Variants in RAD51D observed in about 807,000 individuals in gnomAD.
The protein encoded by RAD51D is DNA repair protein RAD51 homolog 4.
A neutral mutation model predicts 44.1 loss-of-function variants in RAD51D; 38 were observed. The observed-to-expected ratio is 0.86, with a 90% CI of 0.67 to 1.13. The LOEUF is 1.13. Among genes scored for constraint, RAD51D ranks in the 50% most tolerant of loss-of-function variants. RAD51D has a pLI of 0.00. For missense variants in RAD51D, 390 were observed against 414.0 expected (o/e 0.94, Z 0.50); for synonymous variants, 141 against 166.6 (o/e 0.85, Z 1.18).
chr17:35,110,802 T>C (rs1252177232), intron 3 of RAD51D, among the ~76,000 whole-genome samples: 1 of 152,002 alleles, frequency 6.6e-6, no homozygotes, highest in Non-Finnish European at 1.5e-5. Context: ...TGAAACCCTG[T>C]CTCTATAAAA....
rs1385062695 is a variant in RAD51D, at chr17:35,100,742, AT to A, written c.*210del. The stretch of plus-strand genomic sequence containing the variant: ...GGAAGGAAACGTGGCACCAGTATGA[AT>A]TTCTGGGTCCTCGCAATGCAGCATC... On this transcript the variant is annotated 3_prime_UTR_variant, in exon 10 of 10. Coordinates refer to ENST00000345365, the MANE Select transcript of RAD51D (RefSeq NM_002878.4). 2.9e-6 allele frequency: 2 copies of A among 679,424 alleles called. No homozygotes were observed. The highest frequency in any genetic ancestry group is 2.7e-5 in the East Asian group (1 of 36,518). The allele number at this position is 679,424 out of a possible 1,614,324, so 42.1% of individuals were successfully genotyped here.
rs1295311658 is a variant in RAD51D at position 35,094,907 on chromosome 17, G to A, written c.*6046C>T. 6.6e-6 allele frequency: 1 copy of A among 152,194 alleles called. No homozygotes were observed. Among genetic ancestry groups the A allele is most frequent in the Non-Finnish European group, 1.5e-5 (1 of 68,052 alleles). The allele number at this position is 152,194 out of a possible 1,614,324, so 9.4% of individuals were successfully genotyped here. On this transcript the variant is annotated 3_prime_UTR_variant, in exon 10 of 10. Coordinates refer to ENST00000345365, the MANE Select transcript of RAD51D (RefSeq NM_002878.4). ...CTTTGGTACTACCGTAAGTACTAGT[G>A]AGAGGCTGCCCACCCAGCATCCAGT...
At position 35,097,439 on chromosome 17, in the gene RAD51D, GTATATATATGTGTGTA is replaced by G. The variant is rs1197058565; in HGVS notation, c.*3498_*3513del. ...GGCTCATATGTGTATATATATGTGT[GTATATATATGTGTGTA>G]TATATATATATGTGTGTATATATAT... On this transcript the variant is annotated 3_prime_UTR_variant, in exon 10 of 10. Coordinates refer to ENST00000345365, the MANE Select transcript of RAD51D (RefSeq NM_002878.4). 50 of 140,452 alleles carry G rather than the reference GTATATATATGTGTGTA, an allele frequency of 3.6e-4. 1 individual carries two copies. Among genetic ancestry groups the G allele is most frequent in the South Asian group, 3.5e-3 (15 of 4,334 alleles). The allele number at this position is 140,452 out of a possible 1,614,324, so 8.7% of individuals were successfully genotyped here. A position where few individuals can be genotyped will look rare whatever the true frequency, so the allele number is the denominator to read the frequency against.
chr17:35,111,878 T>G (rs1247866131), intron 3 of RAD51D, among the ~76,000 whole-genome samples: 1 of 152,240 alleles, frequency 6.6e-6, no homozygotes, highest in Non-Finnish European at 1.5e-5. Flanking sequence ...TGGGGACAAT[T>G]GAAATCTTCA....
intron 6 of RAD51D, 108 bp downstream of exon 6, chr17:35,106,278 C>T (rs759212559): frequency 5.5e-6 from 5 of 910,908 alleles, no homozygotes; most frequent in South Asian, 5.2e-5. Context: ...GTTGGAGTCA[C>T]CAGATTGCAC....
At position 35,118,571 on chromosome 17, in the gene RAD51D, G is replaced by A. The variant is rs766692136; in HGVS notation, c.193C>T (p.Pro65Ser). 2 of 1,614,078 alleles carry A rather than the reference G, an allele frequency of 1.2e-6. No homozygotes were observed. Among genetic ancestry groups the A allele is most frequent in the Admixed American group, 1.7e-5 (1 of 60,000 alleles). Residue 65 changes from proline (P) to serine (S), a missense_variant, in exon 3 of 10, where the codon CCC (proline) becomes TCC (serine). Coordinates refer to ENST00000345365, the MANE Select transcript of RAD51D (RefSeq NM_002878.4). Reference protein sequence around the residue: ...RVLLAQFSAFPVNGADLYEEL... With the variant: ...RVLLAQFSAFSVNGADLYEEL... ...TCGTAGAGATCAGCGCCATTCACGGGGAAAGCCGAGAACTGAGCCAGCAGC... is the reference window on the plus strand; with the variant it reads ...TCGTAGAGATCAGCGCCATTCACGGAGAAAGCCGAGAACTGAGCCAGCAGC...
At chr17:35,117,178 G>A (rs28363263) in intron 3 of RAD51D, 1 of 910,726 alleles carries the variant, frequency 1.1e-6, no homozygotes, top group East Asian at 2.5e-5. Context: ...AGGCCTTAAG[G>A]GCAGGGGCCT....
intron 3 of RAD51D, among the ~76,000 whole-genome samples, chr17:35,112,316 T>C (rs1163362684): frequency 1.3e-5 from 2 of 152,116 alleles, no homozygotes; most frequent in Admixed American, 1.3e-4. Flanking sequence ...GACCTTGTGA[T>C]CTGCCCACCT....
chr17:35,101,424 C>A (rs1434230381), intron 8 of RAD51D, 59 bp from the exon 9 acceptor site: 42 of 1,555,892 alleles, frequency 2.7e-5, no homozygotes, highest in Non-Finnish European at 3.4e-5. Context: ...TCGATTACTA[C>A]CGCTTCATTT....
At chr17:35,115,997 GAA>G (rs1567733731) in intron 3 of RAD51D, among the ~76,000 whole-genome samples, 2 of 148,866 alleles carry the variant, frequency 1.3e-5, no homozygotes, top group East Asian at 3.9e-4. Flanking sequence ...AAGAAAGAAA[GAA>G]AGAAAGAAAG....
Position 35,107,770 on chromosome 17 carries a change from G to A in RAD51D, c.264-323C>T, listed in dbSNP as rs1283405026. On this transcript the variant is annotated intron_variant, in intron 3 of 9. Coordinates refer to ENST00000345365, the MANE Select transcript of RAD51D (RefSeq NM_002878.4). ...TTTTTTTTTTTTTTTTTTTTGAGACGGAGTCTCTCTTTGTTGTCCAGGCCG... is the reference window on the plus strand; with the variant it reads ...TTTTTTTTTTTTTTTTTTTTGAGACAGAGTCTCTCTTTGTTGTCCAGGCCG... 1.1e-4 allele frequency among the ~76,000 whole-genome samples: 13 copies of A among 119,484 alleles called. 1 individual carries two copies. The highest frequency in any genetic ancestry group is 6.6e-5 in the Non-Finnish European group (4 of 60,588). 78.4% of individuals were successfully genotyped at this position (119,484 alleles called of 152,430 possible).
At chr17:35,110,582 T>C (rs1311617807) in intron 3 of RAD51D, among the ~76,000 whole-genome samples, 1 of 151,016 alleles carries the variant, frequency 6.6e-6, no homozygotes, top group African/African-American at 2.5e-5. Context: ...AATTTTTGTA[T>C]AAGGTATAAG....
intron 3 of RAD51D, among the ~76,000 whole-genome samples, chr17:35,112,879 C>T (rs1249748451): frequency 6.6e-6 from 1 of 152,162 alleles, no homozygotes; most frequent in Non-Finnish European, 1.5e-5. Context: ...CCTGTCGCAT[C>T]CCCAGCACTA....
intron 3 of RAD51D, among the ~76,000 whole-genome samples, chr17:35,114,560 A>G (rs1343341058): frequency 1.3e-5 from 2 of 150,650 alleles, no homozygotes; most frequent in Non-Finnish European, 3.0e-5. Context: ...CATGGTGGTG[A>G]GCACCTGTAG....
Position 35,100,692 on chromosome 17 carries a change from C to A in RAD51D, c.*261G>T. The A allele has an allele frequency of 1.6e-6, 1 of 609,338 alleles. No individual in the cohort carries two copies. Among genetic ancestry groups the A allele is most frequent in the South Asian group, 1.6e-5 (1 of 60,884 alleles). 37.7% of individuals were successfully genotyped at this position (609,338 alleles called of 1,614,324 possible). On this transcript the variant is annotated 3_prime_UTR_variant, in exon 10 of 10. Coordinates refer to ENST00000345365, the MANE Select transcript of RAD51D (RefSeq NM_002878.4). ...CAGCCAGGGTGAACTTGGTTTCCAC[C>A]AGAAACATACACGTTAGAAATAAGG...
intron 3 of RAD51D, among the ~76,000 whole-genome samples, chr17:35,115,938 A>G (rs556794357): frequency 9.5e-4 from 140 of 147,008 alleles, no homozygotes; most frequent in African/African-American, 3.4e-3. Context: ...GAAGGAAGGA[A>G]GAAAGAAAAG....
rs763129236 is a variant in RAD51D, at chr17:35,119,209, G to T, written c.83-37C>A. ...ACACGTATAGCGGATTGGCAGAGAG[G>T]ACTGGGGCCTCCCACACTTGGTTTT... On this transcript the variant is annotated intron_variant, in intron 1 of 9. Transcript: ENST00000345365. 4.8e-5 allele frequency: 75 copies of T among 1,572,226 alleles called. No individual in the cohort carries two copies. The highest frequency in any genetic ancestry group is 1.2e-4 in the Admixed American group (7 of 59,916).
At chr17:35,106,305 A>AGTCT in intron 6 of RAD51D, 81 bp downstream of exon 6, 1 of 1,162,114 alleles carries the variant, frequency 8.6e-7, no homozygotes, top group Non-Finnish European at 1.3e-6. Flanking sequence ...ATTTCCAAAC[A>AGTCT]GTCTGTAGTA....
rs1597861822 is a variant in RAD51D, at chr17:35,106,459, T to C, written c.503A>G (p.Gln168Arg). The C allele has an allele frequency of 6.2e-7, 1 of 1,612,910 alleles. No homozygotes were observed. The highest frequency in any genetic ancestry group is 8.5e-7 in the Non-Finnish European group (1 of 1,179,506). ...EEQAEALRRI[Q>R]VVHAFDIFQM... is the part of the protein sequence containing the mutation. ...GAAGATGTCAAATGCATGCACCACC[T>C]GGATCCTCCGGAGAGCTTCTGCCTG... is the stretch of plus-strand genomic sequence containing the variant. The change falls in exon 6 of 10, where the codon CAG becomes CGG. Residue 168 changes from glutamine (Q) to arginine (R), a missense_variant. Transcript: ENST00000345365.
Sources: allele counts gnomAD v4.1 joint callset (sites outside exome capture counted in the v4.1 genomes callset), GRCh38; gene constraint gnomAD v4.1.1; transcripts MANE v1.5; gene names NCBI Gene and HGNC (gene_info 2026-07-23, HGNC 2026-07-21).